Variants in DNMT3A observed in about 807,000 individuals in gnomAD.
The protein encoded by DNMT3A is DNA (cytosine-5)-methyltransferase 3A.
In DNMT3A, 267 loss-of-function variants were observed where a neutral mutation model predicts 117.6. The ratio of observed to expected loss-of-function variants is 2.27; its 90% CI spans 2.05 to 2.51. The LOEUF is 2.51. Among genes scored for constraint, DNMT3A ranks in the 30% most tolerant of loss-of-function variants. The pLI is 0.00. For synonymous variants in DNMT3A, 432 were observed against 474.8 expected (o/e 0.91, Z 1.17); for missense variants, 1,029 against 1,260.2 (o/e 0.82, Z 2.78).
In DNMT3A at chr2:25,240,452, TGA is replaced by T. The variant is rs955261746; in HGVS notation, c.2174-4_2174-3del. Reference sequence around the variant, plus strand: ...CAAAGAAGAGCCGGCCAGTGCCCTCTGAGAGGTCGGAAGAGAAAGCCATCAGC... The same window carrying T: ...CAAAGAAGAGCCGGCCAGTGCCCTCTGAGGTCGGAAGAGAAAGCCATCAGC... On this transcript the variant is annotated splice_polypyrimidine_tract_variant and splice_region_variant and intron_variant, in intron 18 of 22. Coordinates refer to ENST00000321117, the MANE Select transcript of DNMT3A (RefSeq NM_022552.5). 6.9e-6 allele frequency: 11 copies of T among 1,603,088 alleles called. No homozygotes were observed. The highest frequency in any genetic ancestry group is 9.4e-6 in the Non-Finnish European group (11 of 1,174,640).
intron 3 of DNMT3A, among the ~76,000 whole-genome samples, chr2:25,285,808 A>C (rs893958755): frequency 1.3e-5 from 2 of 152,122 alleles, no homozygotes; most frequent in African/African-American, 2.4e-5. Flanking sequence ...CCCTGGTGTA[A>C]ACCCTGTCTG....
At chr2:25,341,301 T>TC (rs1221249323) in intron 1 of DNMT3A, among the ~76,000 whole-genome samples, 19 of 139,812 alleles carry the variant, frequency 1.4e-4, no homozygotes, top group African/African-American at 4.9e-4. Flanking sequence ...CCCCGCCCCC[T>TC]CCCCCGCTCC....
chr2:25,255,117 C>T (rs1219721675), intron 6 of DNMT3A, among the ~76,000 whole-genome samples: 1 of 152,190 alleles, frequency 6.6e-6, no homozygotes, highest in Non-Finnish European at 1.5e-5. Context: ...GGAAACACTG[C>T]CTTTTCTAGA....
At chr2:25,287,640 T>C (rs1241723547) in intron 3 of DNMT3A, among the ~76,000 whole-genome samples, 1 of 152,010 alleles carries the variant, frequency 6.6e-6, no homozygotes, top group East Asian at 1.9e-4. Context: ...TGTGAAGACA[T>C]TTTTGGCTGC....
intron 16 of DNMT3A, among the ~76,000 whole-genome samples, 162 bp downstream of exon 16, chr2:25,243,736 G>A (rs750132206): frequency 2.6e-5 from 4 of 152,162 alleles, no homozygotes; most frequent in Non-Finnish European, 4.4e-5. Flanking sequence ...CTAAGTCCAC[G>A]GACTGCATAC....
rs2149414609 is a variant in DNMT3A at position 25,305,349 on chromosome 2, T to C, written c.73-5106A>G. On this transcript the variant is annotated intron_variant, in intron 2 of 22. Coordinates refer to ENST00000321117, the MANE Select transcript of DNMT3A (RefSeq NM_022552.5). The surrounding 1 kb of genome is among the most constrained non-coding windows in gnomAD (Gnocchi z 4.1). ...TCTCTCTAAACATCTGAGGCTACGA[T>C]CTGACCTACATTTCAACACTGCTCA... Among the ~76,000 whole-genome samples, 1 of 152,364 alleles carries C rather than the reference T, an allele frequency of 6.6e-6. No individual in the cohort carries two copies. Among genetic ancestry groups the C allele is most frequent in the Admixed American group, 6.5e-5 (1 of 15,302 alleles).
chr2:25,333,443 C>T (rs1050809926), intron 1 of DNMT3A, among the ~76,000 whole-genome samples: 2 of 152,122 alleles, frequency 1.3e-5, no homozygotes, highest in African/African-American at 4.8e-5. Context: ...GATTCTCCTG[C>T]CTCAGCCTCC....
rs184464178 is a variant in DNMT3A, at chr2:25,280,608, C to T, written c.448+1833G>A. ...GACATGTTTCACTTCCCTTAGAGCG[C>T]TTATCTCCATGTGTAATCTCATCTT... is the stretch of plus-strand genomic sequence containing the variant. On this transcript the variant is annotated intron_variant, in intron 4 of 22. Transcript: ENST00000321117. 3.6e-4 allele frequency among the ~76,000 whole-genome samples: 55 copies of T among 152,334 alleles called. 1 individual carries two copies. The highest frequency in any genetic ancestry group is 3.4e-3 in the Admixed American group (52 of 15,302).
In DNMT3A at chr2:25,239,225, A is replaced by T. The variant is rs759692474; in HGVS notation, c.2323-10T>A. 1.2e-6 allele frequency: 2 copies of T among 1,613,142 alleles called. No homozygotes were observed. ...TCATCACAGGGTTGGACTACAAAAC[A>T]GGAGACGGTTTGAAGATGAGCCAAG... On this transcript the variant is annotated splice_polypyrimidine_tract_variant and intron_variant, in intron 19 of 22. Transcript: ENST00000321117.
chr2:25,331,636 C>T (rs1229429554), intron 1 of DNMT3A, among the ~76,000 whole-genome samples: 2 of 152,218 alleles, frequency 1.3e-5, no homozygotes, highest in Non-Finnish European at 2.9e-5. Context: ...AACTCATCAG[C>T]ATTCCCAATG....
intron 9 of DNMT3A, 115 bp downstream of exon 9, chr2:25,246,936 G>A (rs1674869530): frequency 1.4e-6 from 2 of 1,460,270 alleles, no homozygotes; most frequent in Admixed American, 2.0e-5. Flanking sequence ...GAGGTGGAGA[G>A]AAAGGAGTCG....
At position 25,304,803 on chromosome 2, in the gene DNMT3A, GTTC is replaced by G. The variant is rs1452212810; in HGVS notation, c.73-4563_73-4561del. 2.0e-5 allele frequency among the ~76,000 whole-genome samples: 3 copies of G among 152,208 alleles called. No individual in the cohort carries two copies. Among genetic ancestry groups the G allele is most frequent in the Admixed American group, 6.5e-5 (1 of 15,276 alleles). ...CGGCCTCAGCCCCTAGGCATAGACT[GTTC>G]TTCTGACCACACCACCTTCCCCTCA... On this transcript the variant is annotated intron_variant, in intron 2 of 22. Transcript: ENST00000321117. This position sits in a 1 kb window ranked among gnomAD's most constrained non-coding sequence, Gnocchi z 4.3.
Position 25,282,695 on chromosome 2 carries a change from G to A in DNMT3A, c.194C>T (p.Thr65Met), listed in dbSNP as rs778149141. 2.3e-5 allele frequency: 36 copies of A among 1,533,584 alleles called. No homozygotes were observed. Among genetic ancestry groups the A allele is most frequent in the Admixed American group, 4.3e-5 (2 of 47,042 alleles). The allele number at this position is 1,533,584 out of a possible 1,614,324, so 95.0% of individuals were successfully genotyped here. A position where few individuals can be genotyped will look rare whatever the true frequency, so the allele number is the denominator to read the frequency against. ...RKHPPVESGD[T>M]PKDPAVISKS... ...GGAGATCACCGCAGGGTCCTTTGGC[G>A]TGTCACCGCTTTCCACCTGCAAATG... Residue 65 changes from threonine (T) to methionine (M), a missense_variant, in exon 4 of 23, where the codon ACG (threonine) becomes ATG (methionine). Physicochemically the swap from Thr to Met is moderately conservative, Grantham distance 81. Transcript: ENST00000321117. This position sits in a 1 kb window ranked among gnomAD's most constrained non-coding sequence, Gnocchi z 5.2.
chr2:25,289,517 G>A (rs2032587503), intron 3 of DNMT3A, among the ~76,000 whole-genome samples: 1 of 152,176 alleles, frequency 6.6e-6, no homozygotes, highest in South Asian at 2.1e-4. Context: ...TCCTAGGGGA[G>A]CTGGAGCGAT....
upstream of DNMT3A, chr2:25,342,409 CCACGCTG>C (rs2035497734): frequency 6.6e-6 from 1 of 152,178 alleles, no homozygotes; most frequent in Non-Finnish European, 1.5e-5. The surrounding 1 kb of genome is among the most constrained non-coding windows in gnomAD (Gnocchi z 5.9). Context: ...GCAGCCCTCC[CCACGCTG>C]GGCGCCCCGC....
At chr2:25,340,335 G>A (rs1311467360) in intron 1 of DNMT3A, among the ~76,000 whole-genome samples, 1 of 152,228 alleles carries the variant, frequency 6.6e-6, no homozygotes, top group Non-Finnish European at 1.5e-5. Flanking sequence ...AGGACGGAGG[G>A]GATGAGGAGA....
chr2:25,240,869 G>A (rs1573314520), intron 17 of DNMT3A, 139 bp from the exon 18 acceptor site: 2 of 746,492 alleles, frequency 2.7e-6, no homozygotes, highest in Non-Finnish European at 4.4e-6. Flanking sequence ...GCAGGCTCAC[G>A]ACCCTAGCTG....
chr2:25,265,125 A>C (rs150099660), intron 6 of DNMT3A, among the ~76,000 whole-genome samples: 67 of 152,344 alleles, frequency 4.4e-4, no homozygotes, highest in Non-Finnish European at 7.3e-4. Context: ...CCACATGGTC[A>C]TGAAAAAACA....
At chr2:25,301,583 A>G (rs1277592614) in intron 2 of DNMT3A, among the ~76,000 whole-genome samples, 1 of 152,094 alleles carries the variant, frequency 6.6e-6, no homozygotes, top group African/African-American at 2.4e-5. Flanking sequence ...AGAGACATAA[A>G]CCTAGAAAGT....
Sources: allele counts gnomAD v4.1 joint callset (sites outside exome capture counted in the v4.1 genomes callset), GRCh38; gene constraint gnomAD v4.1.1; non-coding constraint Gnocchi (gnomAD v3.1); transcripts MANE v1.5; gene names NCBI Gene and HGNC (gene_info 2026-07-23, HGNC 2026-07-21).